The following PRR16 variants were observed in gnomAD, a reference collection of about 807,000 sequenced individuals.
PRR16 encodes protein Largen.
Under a neutral mutation model 18.2 loss-of-function variants are expected in PRR16, and 6 were observed. The observed-to-expected ratio is 0.33, with a 90% CI of 0.18 to 0.65. PRR16 has a LOEUF of 0.65. Among genes scored for constraint, PRR16 ranks in the 30% least tolerant of loss-of-function variants. The pLI, the probability that PRR16 is intolerant of heterozygous loss-of-function variation, is 0.74. For synonymous variants in PRR16, 151 were observed against 147.8 expected (o/e 1.02, Z -0.16); for missense variants, 412 against 376.6 (o/e 1.09, Z -0.78).
intron 1 of PRR16, among the ~76,000 whole-genome samples, chr5:120,524,985 ATGG>A (rs1168752568): frequency 6.6e-6 from 1 of 152,102 alleles, no homozygotes; most frequent in African/African-American, 2.4e-5. Context: ...GTAAGGTCAT[ATGG>A]AGGTTTCTTA....
intron 1 of PRR16, among the ~76,000 whole-genome samples, chr5:120,550,718 T>G (rs1752227262): frequency 1.3e-5 from 2 of 152,062 alleles, no homozygotes; most frequent in African/African-American, 4.8e-5. Context: ...AACATAGCCA[T>G]TTCCACCATT....
At chr5:120,470,250 T>C (rs1217563399) in intron 1 of PRR16, among the ~76,000 whole-genome samples, 1 of 152,010 alleles carries the variant, frequency 6.6e-6, no homozygotes, top group African/African-American at 2.4e-5. Context: ...AAGCTGCAAA[T>C]ACAAAGTTAA....
At chr5:120,492,263 T>A (rs928515336) in intron 1 of PRR16, among the ~76,000 whole-genome samples, 1 of 19,354 alleles carries the variant, frequency 5.2e-5, no homozygotes, top group Non-Finnish European at 1.8e-4. Context: ...TGAGTGTGTG[T>A]GTGTGTGTGT....
chr5:120,759,563 C>T, the PRR16 span, among the ~76,000 whole-genome samples: 1 of 151,966 alleles, frequency 6.6e-6, no homozygotes, highest in African/African-American at 2.4e-5. Context: ...AAGATTTTGT[C>T]TTTAGAAAGA....
At chr5:120,719,083 G>C in the PRR16 span, among the ~76,000 whole-genome samples, 4 of 152,038 alleles carry the variant, frequency 2.6e-5, no homozygotes, top group Non-Finnish European at 4.4e-5. Flanking sequence ...AGTGCATTAA[G>C]TTTTGACAAA....
At chr5:120,473,510 G>A (rs998840831) in intron 1 of PRR16, among the ~76,000 whole-genome samples, 1 of 152,168 alleles carries the variant, frequency 6.6e-6, no homozygotes, top group African/African-American at 2.4e-5. Context: ...GTTATGTGCA[G>A]TATAGGTTGG....
At chr5:120,505,679 A>G (rs866724476) in intron 1 of PRR16, among the ~76,000 whole-genome samples, 39 of 152,154 alleles carry the variant, frequency 2.6e-4, no homozygotes, top group Non-Finnish European at 2.9e-5. Flanking sequence ...ATTGCTGCAG[A>G]GTCAAGTTTT....
chr5:120,598,728 A>G (rs754421955), intron 1 of PRR16, among the ~76,000 whole-genome samples: 2 of 151,966 alleles, frequency 1.3e-5, no homozygotes, highest in Non-Finnish European at 2.9e-5. Flanking sequence ...AATGGCATCC[A>G]GCAGCATCAA....
intron 1 of PRR16, among the ~76,000 whole-genome samples, chr5:120,520,309 C>A (rs563988417): frequency 6.6e-6 from 1 of 152,038 alleles, no homozygotes; most frequent in Non-Finnish European, 1.5e-5. Flanking sequence ...GCAGGAGAAT[C>A]GCTTGAACCT....
intron 1 of PRR16, among the ~76,000 whole-genome samples, chr5:120,593,213 A>G (rs1298547831): frequency 6.6e-6 from 1 of 152,092 alleles, no homozygotes; most frequent in African/African-American, 2.4e-5. Flanking sequence ...ACAAAAGATG[A>G]AGAAATCTAG....
At chr5:120,696,609 T>G in the PRR16 span, among the ~76,000 whole-genome samples, 1 of 152,152 alleles carries the variant, frequency 6.6e-6, no homozygotes, top group Non-Finnish European at 1.5e-5. Flanking sequence ...TAAAATATAT[T>G]CCTATTTCTT....
At chr5:120,520,942 A>G (rs942613863) in intron 1 of PRR16, among the ~76,000 whole-genome samples, 7 of 152,200 alleles carry the variant, frequency 4.6e-5, no homozygotes, top group African/African-American at 1.7e-4. Context: ...ATGGTCCCCC[A>G]TTAGATGGAA....
At chr5:120,523,733 C>A (rs1751262038) in intron 1 of PRR16, among the ~76,000 whole-genome samples, 1 of 152,056 alleles carries the variant, frequency 6.6e-6, no homozygotes, top group South Asian at 2.1e-4. Flanking sequence ...AACATCTTTT[C>A]TAGTGAAAGT....
At chr5:120,488,035 C>T (rs537890714) in intron 1 of PRR16, among the ~76,000 whole-genome samples, 2 of 152,278 alleles carry the variant, frequency 1.3e-5, no homozygotes, top group East Asian at 1.9e-4. Flanking sequence ...TCATGTGCTA[C>T]TGTATTTGGT....
chr5:120,627,985 A>G (rs1294284039), intron 1 of PRR16, among the ~76,000 whole-genome samples: 1 of 152,100 alleles, frequency 6.6e-6, no homozygotes, highest in Non-Finnish European at 1.5e-5. Context: ...TCTTAATAAT[A>G]TTTCCTTTCT....
intron 1 of PRR16, among the ~76,000 whole-genome samples, chr5:120,636,222 A>G (rs2112848051): frequency 6.6e-6 from 1 of 152,236 alleles, no homozygotes. Context: ...CTACAAATTC[A>G]ATACAATTCC....
chr5:120,525,256 C>A (rs1258998391), intron 1 of PRR16, among the ~76,000 whole-genome samples: 1 of 152,044 alleles, frequency 6.6e-6, no homozygotes, highest in Non-Finnish European at 1.5e-5. Context: ...ATTCACCAGA[C>A]TCTTTTCAAA....
chr5:120,690,879 C>G (rs1757201108), downstream of PRR16, among the ~76,000 whole-genome samples: 1 of 152,006 alleles, frequency 6.6e-6, no homozygotes, highest in African/African-American at 2.4e-5. Flanking sequence ...AAAAAAAAAC[C>G]TGAAGTGTAA....
intron 1 of PRR16, among the ~76,000 whole-genome samples, chr5:120,682,247 A>G (rs1756996059): frequency 6.6e-6 from 1 of 152,266 alleles, no homozygotes; most frequent in South Asian, 2.1e-4. Flanking sequence ...AGTAAGCTCC[A>G]ACTCATCCTT....
Sources: allele counts gnomAD v4.1 joint callset (sites outside exome capture counted in the v4.1 genomes callset), GRCh38; gene constraint gnomAD v4.1.1; transcripts MANE v1.5; gene names NCBI Gene and HGNC (gene_info 2026-07-23, HGNC 2026-07-21).